The following BRINP3 variants were observed in gnomAD, a reference collection of about 807,000 sequenced individuals.
BRINP3 encodes BMP/retinoic acid-inducible neural-specific protein 3.
In BRINP3, 19 loss-of-function variants were observed where a neutral mutation model predicts 71.0. The ratio of observed to expected loss-of-function variants is 0.27; its 90% confidence interval spans 0.19 to 0.39. The LOEUF is 0.39. Ranked by LOEUF, BRINP3 falls within the 10% of genes least tolerant of loss-of-function variation. BRINP3 has a pLI of 1.00. For missense variants in BRINP3, 959 were observed against 940.8 expected (o/e 1.02, Z -0.25); for synonymous variants, 380 against 337.7 (o/e 1.13, Z -1.37).
intron 2 of BRINP3, among the ~76,000 whole-genome samples, chr1:190,407,840 T>C (rs1672386286): frequency 1.3e-5 from 2 of 152,106 alleles, no homozygotes; most frequent in Non-Finnish European, 2.9e-5. Flanking sequence ...CCTAAAGCCC[T>C]GTATTATATA....
chr1:190,462,433 C>G (rs1038241221), intron 1 of BRINP3, among the ~76,000 whole-genome samples: 1 of 151,930 alleles, frequency 6.6e-6, no homozygotes, highest in Non-Finnish European at 1.5e-5. Context: ...AAACCAAAAT[C>G]CCCCTCTAAT....
chr1:190,124,463 G>A (rs2102329525), intron 7 of BRINP3, among the ~76,000 whole-genome samples: 1 of 152,168 alleles, frequency 6.6e-6, no homozygotes, highest in Admixed American at 6.6e-5. Flanking sequence ...TTTGAGAGCT[G>A]ATGGCAATAA....
chr1:190,361,290 C>T (rs772475887), intron 2 of BRINP3, among the ~76,000 whole-genome samples: 8 of 151,842 alleles, frequency 5.3e-5, no homozygotes, highest in Non-Finnish European at 1.0e-4. Context: ...ACATAATTTC[C>T]GAAGAGATTA....
In BRINP3 at chr1:190,235,095, C is replaced by T. The variant is rs148527846; in HGVS notation, c.619-618G>A. 6.5e-3 allele frequency among the ~76,000 whole-genome samples: 995 copies of T among 152,172 alleles called. 6 individuals carry two copies. The highest frequency in any genetic ancestry group is 0.021 in the African/African-American group (884 of 41,552). On this transcript the variant is annotated intron_variant, in intron 4 of 7. Transcript: ENST00000367462. Reference sequence around the variant, plus strand: ...GGATTAGAAACTTCTCCTTTCTCAACTTTGACTAATCAGTTTTATCTATCC... The same window carrying T: ...GGATTAGAAACTTCTCCTTTCTCAATTTTGACTAATCAGTTTTATCTATCC...
intron 2 of BRINP3, among the ~76,000 whole-genome samples, chr1:190,430,432 A>T (rs1374221895): frequency 1.3e-5 from 2 of 152,132 alleles, no homozygotes; most frequent in Non-Finnish European, 2.9e-5. Flanking sequence ...ATAGGAGGGA[A>T]AGATTCAATC....
At chr1:190,341,452 C>G (rs1571800070) in intron 2 of BRINP3, among the ~76,000 whole-genome samples, 1 of 151,596 alleles carries the variant, frequency 6.6e-6, no homozygotes, top group African/African-American at 2.4e-5. Context: ...TGTGTGTTCC[C>G]TGGTACAAAG....
At chr1:190,223,827 G>T (rs1490333597) in intron 6 of BRINP3, among the ~76,000 whole-genome samples, 1 of 151,620 alleles carries the variant, frequency 6.6e-6, no homozygotes, top group African/African-American at 2.4e-5. Flanking sequence ...AAAGTTGCGG[G>T]ATACAAAATA....
intron 6 of BRINP3, among the ~76,000 whole-genome samples, chr1:190,194,365 C>T (rs866668893): frequency 6.6e-6 from 1 of 151,910 alleles, no homozygotes; most frequent in African/African-American, 2.4e-5. Flanking sequence ...TTTTTTCAAG[C>T]AACCAACTTT....
chr1:190,179,692 T>G (rs1652858745), intron 6 of BRINP3, among the ~76,000 whole-genome samples: 2 of 152,158 alleles, frequency 1.3e-5, no homozygotes, highest in South Asian at 4.1e-4. Flanking sequence ...GCTTTGCATA[T>G]AAAGTGAATA....
intron 4 of BRINP3, among the ~76,000 whole-genome samples, chr1:190,237,943 A>G (rs1370793363): frequency 1.3e-5 from 2 of 152,024 alleles, no homozygotes; most frequent in African/African-American, 4.8e-5. Context: ...CAACTACAAA[A>G]TGAATGTTAA....
At chr1:190,249,910 T>C (rs1659979611) in intron 4 of BRINP3, among the ~76,000 whole-genome samples, 2 of 151,962 alleles carry the variant, frequency 1.3e-5, no homozygotes, top group African/African-American at 4.8e-5. Flanking sequence ...AATTTCCATT[T>C]ATGAGTCCAA....
chr1:190,318,986 A>T (rs1255375201), intron 2 of BRINP3, among the ~76,000 whole-genome samples: 1 of 152,122 alleles, frequency 6.6e-6, no homozygotes, highest in Non-Finnish European at 1.5e-5. Context: ...AGCTTTAATT[A>T]CCTTATCTTC....
intron 7 of BRINP3, among the ~76,000 whole-genome samples, chr1:190,103,388 C>T (rs573268131): frequency 5.3e-5 from 8 of 151,828 alleles, no homozygotes; most frequent in Non-Finnish European, 8.8e-5. Flanking sequence ...TTTGACTATA[C>T]ATTTTTTTTG....
At chr1:190,441,079 A>G (rs999198271) in intron 2 of BRINP3, among the ~76,000 whole-genome samples, 1 of 151,978 alleles carries the variant, frequency 6.6e-6, no homozygotes, top group African/African-American at 2.4e-5. Context: ...AGTATTCTGT[A>G]AAATACTTGA....
intron 6 of BRINP3, among the ~76,000 whole-genome samples, chr1:190,168,744 T>A (rs770044988): frequency 6.6e-6 from 1 of 152,192 alleles, no homozygotes; most frequent in Admixed American, 6.5e-5. Context: ...AAGAGAGTAT[T>A]CATATTCCAT....
intron 1 of BRINP3, among the ~76,000 whole-genome samples, chr1:190,468,568 GA>G (rs1359004632): frequency 6.6e-6 from 1 of 151,136 alleles, no homozygotes; most frequent in Non-Finnish European, 1.5e-5. Flanking sequence ...AGAATCCTCT[GA>G]ATTATTTTCC....
intron 6 of BRINP3, 134 bp from the exon 7 acceptor site, chr1:190,161,024 T>G (rs954175701): frequency 6.7e-6 from 4 of 597,696 alleles, no homozygotes; most frequent in Non-Finnish European, 8.5e-6. Context: ...ATACAGTGCC[T>G]CATTTGTGAG....
At chr1:190,419,897 G>T (rs897591141) in intron 2 of BRINP3, among the ~76,000 whole-genome samples, 2 of 151,826 alleles carry the variant, frequency 1.3e-5, no homozygotes, top group African/African-American at 4.8e-5. Flanking sequence ...ATATGACAAT[G>T]AAACCAAAGA....
At chr1:190,366,848 C>T (rs991298970) in intron 2 of BRINP3, among the ~76,000 whole-genome samples, 2 of 152,212 alleles carry the variant, frequency 1.3e-5, no homozygotes, top group Admixed American at 1.3e-4. Context: ...GACTCTGTGT[C>T]TCACATCCAG....
Sources: gnomAD v4.1 joint callset for allele counts (sites outside exome capture counted in the v4.1 genomes callset) on GRCh38, gnomAD v4.1.1 for gene constraint, MANE v1.5 for transcripts, NCBI Gene and HGNC (gene_info 2026-07-23, HGNC 2026-07-21) for gene names.